SVEP1: variants seen among roughly 807,000 people sequenced by gnomAD.
The protein encoded by SVEP1 is sushi, von Willebrand factor type A, EGF and pentraxin domain containing 1, also known as sushi, von Willebrand factor type A, EGF and pentraxin domain-containing protein 1.
Under a neutral mutation model 367.3 loss-of-function variants are expected in SVEP1, and 164 were observed. The observed-to-expected ratio is 0.45, with a 90% CI of 0.39 to 0.51. SVEP1 has a LOEUF of 0.51. SVEP1 is among the 20% of genes least tolerant of loss of function. The pLI, the probability that SVEP1 is intolerant of heterozygous loss-of-function variation, is 0.00. For synonymous variants in SVEP1, 1,666 were observed against 1,611.6 expected (o/e 1.03, Z -0.81); for missense variants, 4,117 against 4,425.3 (o/e 0.93, Z 1.98).
chr9:110,373,803 G>A (rs1827311935), intron 46 of SVEP1, among the ~76,000 whole-genome samples: 2 of 152,100 alleles, frequency 1.3e-5, no homozygotes, highest in African/African-American at 4.8e-5. Context: ...TCTAGTGGGG[G>A]AAGGGATAGA....
At chr9:110,578,941 G>C (rs1004717219) in intron 1 of SVEP1, 72 bp downstream of exon 1, 38 of 1,498,510 alleles carry the variant, frequency 2.5e-5, no homozygotes, top group Non-Finnish European at 3.4e-5. Context: ...CCCCGGGATA[G>C]AGACGGGCAG....
At chr9:110,556,297 T>C (rs1307113936) in intron 1 of SVEP1, among the ~76,000 whole-genome samples, 1 of 152,054 alleles carries the variant, frequency 6.6e-6, no homozygotes, top group Non-Finnish European at 1.5e-5. Flanking sequence ...AGAACTGTTT[T>C]GAAAAATGGT....
rs141417397 is a variant in SVEP1 at position 110,574,906 on chromosome 9, C to T, written c.531+4107G>A. 4.0e-3 allele frequency among the ~76,000 whole-genome samples: 605 copies of T among 152,000 alleles called. 3 individuals carry two copies. Among genetic ancestry groups the T allele is most frequent in the Non-Finnish European group, 6.5e-3 (443 of 67,960 alleles). ...GACTACAGGCACCCACCACCACGCC[C>T]GGCTAATTTTTTGTGTTTTTAGTAG... On this transcript the variant is annotated intron_variant, in intron 1 of 47. Transcript: ENST00000374469.
intron 8 of SVEP1, among the ~76,000 whole-genome samples, chr9:110,491,946 C>T (rs886956632): frequency 2.0e-5 from 3 of 151,700 alleles, no homozygotes; most frequent in Non-Finnish European, 4.4e-5. Context: ...TAAACAAATC[C>T]CAGATAACTT....
At chr9:110,478,138 T>G (rs1396717876) in intron 13 of SVEP1, among the ~76,000 whole-genome samples, 2 of 152,208 alleles carry the variant, frequency 1.3e-5, no homozygotes, top group Admixed American at 6.5e-5. Flanking sequence ...TGCTACTCCC[T>G]CTGCCTGGAA....
intron 17 of SVEP1, among the ~76,000 whole-genome samples, chr9:110,467,875 A>G (rs977223800): frequency 1.1e-4 from 17 of 152,012 alleles, no homozygotes; most frequent in Middle Eastern, 3.2e-3. Context: ...GGCTCAAACA[A>G]ACTGCCTGCC....
Position 110,430,456 on chromosome 9 carries a change from AACAG to A in SVEP1, c.5354-10_5354-7del, listed in dbSNP as rs1828334325. 2 of 1,604,848 alleles carry A rather than the reference AACAG, an allele frequency of 1.2e-6. No homozygotes were observed. Among genetic ancestry groups the A allele is most frequent in the Non-Finnish European group, 1.7e-6 (2 of 1,174,974 alleles). Reference sequence around the variant, plus strand: ...AGCCTTACATTTTATAGGTTCTAGAAACAGACAGTTTTGGTGGAATAATAAGTGG... The same window carrying A: ...AGCCTTACATTTTATAGGTTCTAGAAACAGTTTTGGTGGAATAATAAGTGG... On this transcript the variant is annotated splice_region_variant and splice_polypyrimidine_tract_variant and intron_variant, in intron 32 of 47. Transcript: ENST00000374469.
chr9:110,393,408 A>G (rs1227059362), intron 40 of SVEP1, among the ~76,000 whole-genome samples: 1 of 152,236 alleles, frequency 6.6e-6, no homozygotes, highest in Non-Finnish European at 1.5e-5. Context: ...GAGATGGCCA[A>G]ATAGGAACAG....
Position 110,427,809 on chromosome 9 carries a change from T to C in SVEP1, c.5808-51A>G, listed in dbSNP as rs532179768. On this transcript the variant is annotated intron_variant, in intron 35 of 47. Transcript: ENST00000374469. Reference sequence around the variant, plus strand: ...TTCATTGGCTATGGATTTGCTGCTATGGAGATAAAACAGGAAGAACTCTGG... The same window carrying C: ...TTCATTGGCTATGGATTTGCTGCTACGGAGATAAAACAGGAAGAACTCTGG... The C allele has an allele frequency of 1.7e-5, 27 of 1,554,550 alleles. No individual in the cohort carries two copies. The Admixed American group carries it at 4.4e-4, about 25-fold the overall frequency.
intron 3 of SVEP1, among the ~76,000 whole-genome samples, chr9:110,516,487 T>A (rs1441789638): frequency 1.3e-5 from 2 of 151,814 alleles, no homozygotes; most frequent in Non-Finnish European, 2.9e-5. Flanking sequence ...AACACTACTT[T>A]GAAGCACTGT....
At position 110,430,099 on chromosome 9, in the gene SVEP1, T is replaced by C. The variant is rs985162039; in HGVS notation, c.5531-95A>G. On this transcript the variant is annotated intron_variant, in intron 33 of 47. Transcript: ENST00000374469. ...GCAGCTCAAGATCTTTTTTTGTTTG[T>C]TTGTTTTCTTTTTTTTTTTTTTTGG... is the stretch of plus-strand genomic sequence containing the variant. 8 of 1,364,024 alleles carry C rather than the reference T, an allele frequency of 5.9e-6. No homozygotes were observed. The Admixed American group carries it at 8.1e-5, about 14-fold the overall frequency. The allele number at this position is 1,364,024 out of a possible 1,614,324, so 84.5% of individuals were successfully genotyped here.
At chr9:110,525,947 C>T (rs919706311) in intron 3 of SVEP1, among the ~76,000 whole-genome samples, 5 of 152,054 alleles carry the variant, frequency 3.3e-5, no homozygotes, top group Admixed American at 3.3e-4. Flanking sequence ...GGAAAGATAG[C>T]CTTTTCAAGA....
At chr9:110,531,036 ATCTAT>A (rs1455535459) in intron 3 of SVEP1, among the ~76,000 whole-genome samples, 2 of 152,182 alleles carry the variant, frequency 1.3e-5, no homozygotes, top group Admixed American at 1.3e-4. Flanking sequence ...CACCTTGCAC[ATCTAT>A]TCTATTAATA....
intron 35 of SVEP1, among the ~76,000 whole-genome samples, chr9:110,428,355 G>A: frequency 6.6e-6 from 1 of 150,736 alleles, no homozygotes; most frequent in East Asian, 1.9e-4. Context: ...TGTTGATCAT[G>A]TTTCTGATCA....
intron 3 of SVEP1, among the ~76,000 whole-genome samples, chr9:110,523,659 G>A (rs1196347313): frequency 6.6e-6 from 1 of 152,178 alleles, no homozygotes; most frequent in East Asian, 1.9e-4. Context: ...GATACATTGT[G>A]CAAACATTAA....
intron 22 of SVEP1, among the ~76,000 whole-genome samples, chr9:110,453,011 T>C (rs1294953209): frequency 6.6e-6 from 1 of 152,196 alleles, no homozygotes; most frequent in East Asian, 1.9e-4. Context: ...AGAGAAAATA[T>C]ATGAGTTGTT....
In SVEP1 at chr9:110,418,850, C is replaced by T. The variant is rs1294354949; in HGVS notation, c.5976-7115G>A. Among the ~76,000 whole-genome samples, 21 of 124,734 alleles carry T rather than the reference C, an allele frequency of 1.7e-4. 4 individuals are homozygous for T. Among genetic ancestry groups the T allele is most frequent in the African/African-American group, 5.5e-4 (19 of 34,724 alleles). The allele number at this position is 124,734 out of a possible 152,430, so 81.8% of individuals were successfully genotyped here. On this transcript the variant is annotated intron_variant, in intron 36 of 47. Coordinates refer to ENST00000374469, the MANE Select transcript of SVEP1 (RefSeq NM_153366.4). The stretch of plus-strand genomic sequence containing the variant: ...GAAAAGAATTTTCAACCCAGAATTT[C>T]GTATCAGCCAAACTAAGCTTCATAA...
intron 47 of SVEP1, among the ~76,000 whole-genome samples, chr9:110,368,275 C>T (rs532265036): frequency 6.6e-6 from 1 of 152,178 alleles, no homozygotes; most frequent in East Asian, 1.9e-4. Context: ...ATACAAGGTC[C>T]CTCTATTGTG....
At chr9:110,401,578 T>A (rs1178276547) in intron 39 of SVEP1, among the ~76,000 whole-genome samples, 3 of 150,100 alleles carry the variant, frequency 2.0e-5, no homozygotes, top group Non-Finnish European at 4.4e-5. Flanking sequence ...TCAATAATGA[T>A]TAAAATAAAT....
Sources: gnomAD v4.1 joint callset for allele counts (sites outside exome capture counted in the v4.1 genomes callset) on GRCh38, gnomAD v4.1.1 for gene constraint, MANE v1.5 for transcripts, NCBI Gene and HGNC (gene_info 2026-07-23, HGNC 2026-07-21) for gene names.